WDPCP: variants seen among roughly 807,000 people sequenced by gnomAD.
WDPCP encodes the protein WD repeat containing planar cell polarity effector.
A neutral mutation model predicts 93.1 loss-of-function variants in WDPCP; 71 were observed. The observed-to-expected ratio is 0.76, with a 90% CI of 0.63 to 0.93. The LOEUF is 0.93. Among genes scored for constraint, WDPCP ranks in the 40% least tolerant of loss-of-function variants. The pLI is 0.00. For missense variants in WDPCP, 844 were observed against 887.4 expected (o/e 0.95, Z 0.62); for synonymous variants, 315 against 315.0 (o/e 1.00, Z 0.00).
chr2:63,514,903 T>C (rs1702455574), intron 1 of WDPCP, among the ~76,000 whole-genome samples: 1 of 152,262 alleles, frequency 6.6e-6, no homozygotes, highest in African/African-American at 2.4e-5. Flanking sequence ...TCTCTTCCCA[T>C]ACCCTCCTTT....
intron 6 of WDPCP, among the ~76,000 whole-genome samples, chr2:63,443,460 G>A (rs548452949): frequency 3.4e-4 from 52 of 152,282 alleles, no homozygotes; most frequent in Admixed American, 1.5e-3. Flanking sequence ...AAGAGCTAAT[G>A]CAAAAACTCT....
intron 2 of WDPCP, among the ~76,000 whole-genome samples, chr2:63,671,972 G>A (rs1266510530): frequency 2.0e-5 from 3 of 152,056 alleles, no homozygotes; most frequent in Non-Finnish European, 2.9e-5. Flanking sequence ...CTCTCAGTCC[G>A]TCTCTGTGGG....
intron 12 of WDPCP, chr2:63,378,082 A>T: frequency 3.2e-6 from 1 of 310,604 alleles, no homozygotes; most frequent in South Asian, 3.8e-5. Flanking sequence ...AAAAGAAAAT[A>T]TTTACTTAGT....
intron 13 of WDPCP, among the ~76,000 whole-genome samples, chr2:63,278,994 T>C (rs1683299160): frequency 6.6e-6 from 1 of 151,986 alleles, no homozygotes; most frequent in African/African-American, 2.4e-5. Flanking sequence ...GAAATAGTAA[T>C]AAGACTGCCA....
At chr2:63,599,343 T>G in intron 3 of WDPCP, 2 of 1,558,278 alleles carry the variant, frequency 1.3e-6, no homozygotes, top group Middle Eastern at 1.7e-4. Context: ...TAAAACATTT[T>G]TCTCTCACTT....
intron 2 of WDPCP, among the ~76,000 whole-genome samples, chr2:63,659,860 T>C (rs1461519397): frequency 6.6e-6 from 1 of 152,212 alleles, no homozygotes; most frequent in Non-Finnish European, 1.5e-5. Flanking sequence ...TGCTCTCTCA[T>C]GGTCTAGGAT....
chr2:63,501,970 T>C (rs1575537322), intron 1 of WDPCP, among the ~76,000 whole-genome samples: 1 of 152,174 alleles, frequency 6.6e-6, no homozygotes, highest in Non-Finnish European at 1.5e-5. Flanking sequence ...ATACTTATTG[T>C]TTTTTAAAAA....
chr2:63,530,456 T>C (rs1030047964), intron 1 of WDPCP, among the ~76,000 whole-genome samples: 1 of 152,176 alleles, frequency 6.6e-6, no homozygotes, highest in Non-Finnish European at 1.5e-5. Context: ...GTATGCTTTA[T>C]GTACGGTATA....
intron 1 of WDPCP, among the ~76,000 whole-genome samples, chr2:63,575,408 C>A (rs1707899391): frequency 8.1e-6 from 1 of 123,200 alleles, no homozygotes; most frequent in Non-Finnish European, 1.6e-5. Flanking sequence ...AGTATATATA[C>A]AGTATATACA....
intron 12 of WDPCP, among the ~76,000 whole-genome samples, chr2:63,342,003 C>T (rs1397994231): frequency 6.6e-6 from 1 of 152,152 alleles, no homozygotes; most frequent in East Asian, 1.9e-4. Context: ...ACTTTTTTGA[C>T]AATTTTTCCA....
At chr2:63,549,245 C>T (rs1272426355) in intron 1 of WDPCP, among the ~76,000 whole-genome samples, 1 of 48,598 alleles carries the variant, frequency 2.1e-5, no homozygotes, top group Non-Finnish European at 3.3e-5. Context: ...GTGAGACTGT[C>T]TCAAAAAAAA....
chr2:63,633,417 TA>T (rs1240777873), intron 3 of WDPCP, among the ~76,000 whole-genome samples: 8 of 152,226 alleles, frequency 5.3e-5, no homozygotes, highest in South Asian at 2.1e-4. Flanking sequence ...ATACATAATA[TA>T]AAAACAAAAA....
intron 13 of WDPCP, among the ~76,000 whole-genome samples, chr2:63,259,781 C>A (rs1048520545): frequency 2.0e-5 from 3 of 152,062 alleles, no homozygotes; most frequent in Admixed American, 6.5e-5. Context: ...AAGCACGATA[C>A]AAGGGATACT....
chr2:63,660,247 G>A (rs947965185), intron 2 of WDPCP, among the ~76,000 whole-genome samples: 4 of 152,046 alleles, frequency 2.6e-5, no homozygotes, highest in Admixed American at 2.6e-4. Flanking sequence ...GGGACTCAAG[G>A]TCAAAGTCCC....
At chr2:63,513,426 G>A (rs1702361002) in intron 1 of WDPCP, among the ~76,000 whole-genome samples, 1 of 152,086 alleles carries the variant, frequency 6.6e-6, no homozygotes, top group Non-Finnish European at 1.5e-5. Flanking sequence ...CTAGACCCCA[G>A]AGTATGGCAC....
intron 12 of WDPCP, among the ~76,000 whole-genome samples, chr2:63,319,118 G>A (rs370327814): frequency 5.9e-5 from 9 of 152,184 alleles, no homozygotes; most frequent in East Asian, 1.9e-4. Context: ...TTTGTGCAGC[G>A]ACTCCTCCAA....
At chr2:63,192,516 C>T (rs1452342328) in intron 14 of WDPCP, among the ~76,000 whole-genome samples, 1 of 152,054 alleles carries the variant, frequency 6.6e-6, no homozygotes, top group Non-Finnish European at 1.5e-5. Context: ...TCATAATGAC[C>T]CTTTAAGGTA....
intron 2 of WDPCP, among the ~76,000 whole-genome samples, chr2:63,658,617 T>C (rs1710193408): frequency 6.6e-6 from 1 of 152,224 alleles, no homozygotes; most frequent in African/African-American, 2.4e-5. Flanking sequence ...ATGAAAAATT[T>C]AGGAAAACAT....
chr2:63,246,733 T>C (rs961346492), intron 14 of WDPCP, among the ~76,000 whole-genome samples: 3 of 152,160 alleles, frequency 2.0e-5, no homozygotes, highest in African/African-American at 7.2e-5. Flanking sequence ...ATTCTGTATG[T>C]CAAGTGAGAG....
Sources: gnomAD v4.1 joint callset for allele counts (sites outside exome capture counted in the v4.1 genomes callset) on GRCh38, gnomAD v4.1.1 for gene constraint, MANE v1.5 for transcripts, NCBI Gene and HGNC (gene_info 2026-07-23, HGNC 2026-07-21) for gene names.